The following RPA3 variants were observed in gnomAD, a reference collection of about 807,000 sequenced individuals.
RPA3 encodes replication protein A3, also known as replication protein A 14 kDa subunit.
RPA3 carries 24 observed loss-of-function variants against 13.7 expected under a neutral mutation model. The observed-to-expected ratio is 1.75, with a 90% CI of 1.27 to 2.46. The LOEUF (loss-of-function observed/expected upper bound fraction) is 2.46, where lower values mean the gene tolerates loss of function less well. Ranked by LOEUF, RPA3 falls within the 30% of genes most tolerant of loss-of-function variation. The pLI is 0.00. For missense variants in RPA3, 183 were observed against 151.0 expected, an observed-to-expected ratio of 1.21 and a Z score of -1.11; for synonymous variants, 59 against 51.2, an observed-to-expected ratio of 1.15 and a Z score of -0.65.
intron 4 of RPA3, among the ~76,000 whole-genome samples, chr7:7,682,291 T>C (rs936728943): frequency 1.3e-5 from 2 of 152,184 alleles, no homozygotes; most frequent in African/African-American, 4.8e-5. Flanking sequence ...CATTGAAATA[T>C]GTAATTTAGT....
At chr7:7,664,213 T>G (rs1173496168) in intron 4 of RPA3, among the ~76,000 whole-genome samples, 1 of 152,192 alleles carries the variant, frequency 6.6e-6, no homozygotes, top group Non-Finnish European at 1.5e-5. Context: ...CTACTTTTCC[T>G]TTTCTTATTC....
chr7:7,706,389 G>C (rs968600219), intron 2 of RPA3, among the ~76,000 whole-genome samples: 1 of 152,092 alleles, frequency 6.6e-6, no homozygotes, highest in African/African-American at 2.4e-5. Flanking sequence ...GAGAGAGAGA[G>C]AAGTTCAGGA....
At chr7:7,665,605 G>A (rs4725014) in intron 4 of RPA3, among the ~76,000 whole-genome samples, 94,087 of 151,808 alleles carry the variant, frequency 0.62, 29,374 homozygotes, top group East Asian at 0.8. Flanking sequence ...TGCTGAAACA[G>A]TCACTGCTGT....
At chr7:7,662,345 G>GC (rs1563096227) in intron 4 of RPA3, among the ~76,000 whole-genome samples, 2 of 152,134 alleles carry the variant, frequency 1.3e-5, no homozygotes, top group African/African-American at 4.8e-5. Context: ...CGTTCTAGGG[G>GC]CCAGTGGGGT....
chr7:7,649,170 A>AG (rs1554308874), intron 4 of RPA3, among the ~76,000 whole-genome samples: 87 of 141,630 alleles, frequency 6.1e-4, no homozygotes, highest in African/African-American at 1.8e-3. Flanking sequence ...AAAAAAAAAA[A>AG]AAAAAAAAAG....
intron 2 of RPA3, among the ~76,000 whole-genome samples, chr7:7,701,694 C>G (rs1429134751): frequency 6.6e-6 from 1 of 152,082 alleles, no homozygotes. Context: ...AAGAGAATGA[C>G]AGGGTATTTA....
intron 4 of RPA3, among the ~76,000 whole-genome samples, chr7:7,653,659 G>T (rs28992776): frequency 6.6e-6 from 1 of 152,326 alleles, no homozygotes; most frequent in East Asian, 1.9e-4. Context: ...GAGTTCTCAG[G>T]TGAAGTCTGA....
At chr7:7,700,652 C>T (rs190646574) in intron 2 of RPA3, among the ~76,000 whole-genome samples, 2 of 152,292 alleles carry the variant, frequency 1.3e-5, no homozygotes, top group East Asian at 3.9e-4. Context: ...CTTTGGGAGG[C>T]CTAGGTGAGC....
chr7:7,637,150 A>T, intron 7 of RPA3, 68 bp from the exon 8 acceptor site: 2 of 1,124,550 alleles, frequency 1.8e-6, no homozygotes, highest in South Asian at 2.5e-5. Flanking sequence ...ATTATCTAAG[A>T]TATTTTTACC....
chr7:7,653,982 G>T (rs1785284774), intron 4 of RPA3, among the ~76,000 whole-genome samples: 1 of 152,158 alleles, frequency 6.6e-6, no homozygotes, highest in South Asian at 2.1e-4. Flanking sequence ...TGTAATATGA[G>T]ATTTCCCCCC....
intron 4 of RPA3, among the ~76,000 whole-genome samples, chr7:7,679,765 A>G (rs1233885144): frequency 2.0e-5 from 3 of 148,884 alleles, no homozygotes; most frequent in South Asian, 2.1e-4. Context: ...ATAACTCACT[A>G]TGTTACTCAG....
intron 2 of RPA3, among the ~76,000 whole-genome samples, chr7:7,693,829 T>TA (rs1780239669): frequency 6.6e-6 from 1 of 152,212 alleles, no homozygotes; most frequent in Non-Finnish European, 1.5e-5. Context: ...TAACACTACT[T>TA]ACCATGAGTG....
chr7:7,717,075 G>A (rs949464298), intron 1 of RPA3, among the ~76,000 whole-genome samples: 4 of 62,898 alleles, frequency 6.4e-5, no homozygotes, highest in African/African-American at 2.3e-4. Context: ...TTTTTTTTTT[G>A]AGACGGAGTC....
At chr7:7,714,448 G>A (rs1780841418) in intron 2 of RPA3, among the ~76,000 whole-genome samples, 1 of 152,246 alleles carries the variant, frequency 6.6e-6, no homozygotes, top group Non-Finnish European at 1.5e-5. Flanking sequence ...CATGAATAAA[G>A]AGGGAGTACT....
intron 4 of RPA3, among the ~76,000 whole-genome samples, chr7:7,653,479 CTG>C (rs1785272569): frequency 6.6e-6 from 1 of 152,140 alleles, no homozygotes; most frequent in Non-Finnish European, 1.5e-5. Context: ...AGGAAAAAAA[CTG>C]TGGTTTTCAC....
chr7:7,698,946 C>T (rs1377306733), intron 2 of RPA3, among the ~76,000 whole-genome samples: 1 of 150,928 alleles, frequency 6.6e-6, no homozygotes, highest in Non-Finnish European at 1.5e-5. Context: ...TCTCGACTTC[C>T]CTGGGCTCAG....
At chr7:7,679,733 C>G (rs868094006) in intron 4 of RPA3, among the ~76,000 whole-genome samples, 1 of 139,574 alleles carries the variant, frequency 7.2e-6, no homozygotes. Flanking sequence ...TATATATATA[C>G]ACACACACAT....
chr7:7,659,258 C>G (rs1462011744), intron 4 of RPA3, among the ~76,000 whole-genome samples: 3 of 152,066 alleles, frequency 2.0e-5, no homozygotes, highest in African/African-American at 7.2e-5. Flanking sequence ...AAAGCCAGCT[C>G]CTGGATTCAT....
At chr7:7,676,342 G>A (rs1483895069) in intron 4 of RPA3, 4 of 391,410 alleles carry the variant, frequency 1.0e-5, no homozygotes, top group Non-Finnish European at 1.8e-5. Context: ...TGTGAGTGAG[G>A]TAGTACTATT....
Sources: gnomAD v4.1 joint callset for allele counts (sites outside exome capture counted in the v4.1 genomes callset) on GRCh38, gnomAD v4.1.1 for gene constraint, MANE v1.5 for transcripts, NCBI Gene and HGNC (gene_info 2026-07-23, HGNC 2026-07-21) for gene names.